GUCY2F: variants seen among roughly 807,000 people sequenced by gnomAD.
The protein encoded by GUCY2F is retinal guanylyl cyclase 2.
A neutral mutation model predicts 73.1 loss-of-function variants in GUCY2F; 61 were observed. The observed-to-expected ratio is 0.83, with a 90% CI of 0.68 to 1.03. The LOEUF (loss-of-function observed/expected upper bound fraction) is 1.03, where lower values mean the gene tolerates loss of function less well. Ranked by LOEUF, GUCY2F falls within the 50% of genes least tolerant of loss-of-function variation. GUCY2F has a pLI of 0.00. For missense variants in GUCY2F, 912 were observed against 854.3 expected, an observed-to-expected ratio of 1.07 and a Z score of -0.84; for synonymous variants, 331 against 307.8, an observed-to-expected ratio of 1.08 and a Z score of -0.79.
At chrX:109,410,427 A>G (rs1023056788) in intron 8 of GUCY2F, among the ~76,000 whole-genome samples, 19 of 112,466 alleles carry the variant, frequency 1.7e-4, no homozygotes, top group Admixed American at 1.7e-3. Flanking sequence ...GCTTCCCTAT[A>G]TAAACATCAG....
chrX:109,375,822 G>T, intron 19 of GUCY2F, 76 bp downstream of exon 19: 1 of 686,444 alleles, frequency 1.5e-6, no homozygotes, highest in Non-Finnish European at 2.4e-6. Context: ...GGCTGACACT[G>T]GCACGCATGC....
chrX:109,473,348 C>T (rs1603386410), intron 2 of GUCY2F, among the ~76,000 whole-genome samples: 2 of 111,510 alleles, frequency 1.8e-5, no homozygotes, highest in African/African-American at 3.3e-5. Context: ...TCTGACTAAG[C>T]GAAGTCATAT....
chrX:109,386,598 G>A (rs752878371), intron 15 of GUCY2F, among the ~76,000 whole-genome samples: 2 of 111,952 alleles, frequency 1.8e-5, no homozygotes, highest in African/African-American at 6.5e-5. Context: ...TCTCAGATCA[G>A]TGTATAAAAT....
chrX:109,421,560 T>C (rs1931372885), intron 8 of GUCY2F, among the ~76,000 whole-genome samples: 1 of 110,698 alleles, frequency 9.0e-6, no homozygotes, highest in African/African-American at 3.3e-5. Flanking sequence ...ACAGAAAGAG[T>C]GGTAGTTACC....
chrX:109,393,128 T>C, intron 12 of GUCY2F, 73 bp from the exon 13 acceptor site: 1 of 570,280 alleles, frequency 1.8e-6, no homozygotes, highest in Non-Finnish European at 2.9e-6. Flanking sequence ...GCAGGTCCCC[T>C]TATCACAAAT....
chrX:109,398,540 C>T lies in GUCY2F; in HGVS notation c.2275+9G>A, dbSNP rs1317432002. The T allele has an allele frequency of 8.3e-7, 1 of 1,203,479 alleles. No individual in the cohort carries two copies. The highest frequency in any genetic ancestry group is 1.1e-6 in the Non-Finnish European group (1 of 891,225). Reference sequence around the variant, plus strand: ...GACCCCTGGGGCCCTTTTCTCACCTCCCGCTTACCTTGAGCTGGCAGATCC... The same window carrying T: ...GACCCCTGGGGCCCTTTTCTCACCTTCCGCTTACCTTGAGCTGGCAGATCC... On this transcript the variant is annotated intron_variant, in intron 11 of 19. Transcript: ENST00000218006.
chrX:109,423,865 C>T (rs1004632677), intron 8 of GUCY2F, among the ~76,000 whole-genome samples: 1 of 110,360 alleles, frequency 9.1e-6, no homozygotes, highest in African/African-American at 3.3e-5. Context: ...AAATTAAATA[C>T]AAAGTAAGTA....
chrX:109,382,112 T>G lies in GUCY2F; in HGVS notation c.3150+6A>C. 9.1e-7 allele frequency: 1 copy of G among 1,102,539 alleles called. No homozygotes were observed. The highest frequency in any genetic ancestry group is 2.2e-5 in the Admixed American group (1 of 45,666). The allele number at this position is 1,102,539 out of a possible 1,213,427, so 90.9% of individuals were successfully genotyped here. A position where few individuals can be genotyped will look rare whatever the true frequency, so the allele number is the denominator to read the frequency against. ...GTCTGGCTCAAAAAACAAAAAGACA[T>G]TATACCTTGAGCTCTGTTCTTCCTC... On this transcript the variant is annotated splice_donor_region_variant and intron_variant, in intron 17 of 19. Coordinates refer to ENST00000218006, the MANE Select transcript of GUCY2F (RefSeq NM_001522.3).
rs1431933391 is a variant in GUCY2F at position 109,462,615 on chromosome X, CAA to C, written c.1032+2525_1032+2526del. On this transcript the variant is annotated intron_variant, in intron 3 of 19. Transcript: ENST00000218006. ...AATTACCTTATGTTTTCCACAAGCTCAAAAGGATTGATGCAAATATCAAGAGA... is the reference window on the plus strand; with the variant it reads ...AATTACCTTATGTTTTCCACAAGCTCAAGGATTGATGCAAATATCAAGAGA... 1.1e-4 allele frequency among the ~76,000 whole-genome samples: 12 copies of C among 111,450 alleles called. 1 individual carries two copies. The highest frequency in any genetic ancestry group is 8.6e-4 in the Admixed American group (9 of 10,523).
intron 3 of GUCY2F, among the ~76,000 whole-genome samples, chrX:109,461,829 T>C (rs184970736): frequency 4.4e-5 from 5 of 112,465 alleles, no homozygotes; most frequent in Non-Finnish European, 9.4e-5. Context: ...TTGTATAGTG[T>C]TCTATCTTGG....
intron 9 of GUCY2F, among the ~76,000 whole-genome samples, chrX:109,408,441 A>G (rs1256991699): frequency 8.9e-6 from 1 of 112,176 alleles, no homozygotes; most frequent in Admixed American, 9.4e-5. Flanking sequence ...TAATGCTGAA[A>G]TGAGTTAAGA....
intron 10 of GUCY2F, 96 bp from the exon 11 acceptor site, chrX:109,398,794 C>T: frequency 1.3e-6 from 1 of 771,287 alleles, no homozygotes; most frequent in Non-Finnish European, 1.9e-6. Flanking sequence ...TTATTGACTG[C>T]CTTATATTTT....
intron 11 of GUCY2F, among the ~76,000 whole-genome samples, chrX:109,398,266 G>A (rs952579276): frequency 1.8e-5 from 2 of 110,072 alleles, no homozygotes; most frequent in South Asian, 8.2e-4. Flanking sequence ...GGAGTAGAGG[G>A]GACTGTGAAA....
chrX:109,425,238 T>A (rs940347597), intron 8 of GUCY2F, among the ~76,000 whole-genome samples: 1 of 111,434 alleles, frequency 9.0e-6, no homozygotes, highest in Non-Finnish European at 1.9e-5. Flanking sequence ...GTGAAAAAGA[T>A]ACTTGTACAC....
At chrX:109,393,116 G>A in intron 12 of GUCY2F, 61 bp from the exon 13 acceptor site, 1 of 613,111 alleles carries the variant, frequency 1.6e-6, no homozygotes, top group Non-Finnish European at 2.7e-6. Context: ...AGAGATGATG[G>A]AGCAGGTCCC....
intron 3 of GUCY2F, among the ~76,000 whole-genome samples, chrX:109,458,404 G>A (rs1932300935): frequency 9.0e-6 from 1 of 111,500 alleles, no homozygotes; most frequent in Non-Finnish European, 1.9e-5. Context: ...CTAATTTGTA[G>A]GTGTTGTCTG....
At chrX:109,476,405 A>G (rs1932696440) in intron 1 of GUCY2F, among the ~76,000 whole-genome samples, 1 of 112,367 alleles carries the variant, frequency 8.9e-6, no homozygotes, top group South Asian at 3.6e-4. Flanking sequence ...GCATTATATT[A>G]GACATAGTAT....
At chrX:109,475,127 G>T in intron 2 of GUCY2F, 80 bp downstream of exon 2, 4 of 961,448 alleles carry the variant, frequency 4.2e-6, no homozygotes, top group Non-Finnish European at 4.3e-6. Flanking sequence ...ACCCTAGGGT[G>T]TGAGGGTAGG....
Position 109,381,009 on chromosome X carries a change from C to T in GUCY2F, c.3150+1109G>A, listed in dbSNP as rs984639735. 1.3e-4 allele frequency among the ~76,000 whole-genome samples: 14 copies of T among 111,994 alleles called. No individual in the cohort carries two copies. The South Asian group carries it at 3.8e-3, about 30-fold the overall frequency. ...AACATTTTACTGTCTGAGTTCTCTG[C>T]AAGAGGTGGGAAAGGAGCCTCTGTC... On this transcript the variant is annotated intron_variant, in intron 17 of 19. Transcript: ENST00000218006.
Sources: allele counts gnomAD v4.1 joint callset (sites outside exome capture counted in the v4.1 genomes callset), GRCh38; gene constraint gnomAD v4.1.1; transcripts MANE v1.5; gene names NCBI Gene and HGNC (gene_info 2026-07-23, HGNC 2026-07-21).